Variants in SLIT3 observed in about 807,000 individuals in gnomAD.
SLIT3 encodes slit homolog 3 protein.
SLIT3 carries 68 observed loss-of-function variants against 184.0 expected under a neutral mutation model. That is an observed-to-expected ratio of 0.37 (90% CI 0.30 to 0.45). The LOEUF (loss-of-function observed/expected upper bound fraction) is 0.45, where lower values mean the gene tolerates loss of function less well. Ranked by LOEUF, SLIT3 falls within the 20% of genes least tolerant of loss-of-function variation. The pLI is 1.00. For missense variants in SLIT3, 1,707 were observed against 2,026.0 expected (o/e 0.84, Z 3.02); for synonymous variants, 831 against 828.6 (o/e 1.00, Z -0.05).
chr5:169,054,876 G>T (rs951418972), intron 4 of SLIT3, among the ~76,000 whole-genome samples: 1 of 152,022 alleles, frequency 6.6e-6, no homozygotes, highest in Non-Finnish European at 1.5e-5. Context: ...GGCCTAGGGG[G>T]TCCCATTATC....
intron 4 of SLIT3, among the ~76,000 whole-genome samples, chr5:169,170,637 T>A (rs1213739977): frequency 6.6e-6 from 1 of 152,202 alleles, no homozygotes; most frequent in East Asian, 1.9e-4. Context: ...CCAAACCCTG[T>A]GTTGCTGCTG....
intron 23 of SLIT3, 128 bp from the exon 24 acceptor site, chr5:168,712,482 G>GGGCT: frequency 1.3e-6 from 1 of 754,180 alleles, no homozygotes; most frequent in Non-Finnish European, 2.3e-6. Context: ...CCTAGCAGTA[G>GGGCT]CTGCTGCCCC....
chr5:169,061,510 A>C (rs2113095780), intron 4 of SLIT3, among the ~76,000 whole-genome samples: 1 of 152,302 alleles, frequency 6.6e-6, no homozygotes, highest in Middle Eastern at 3.4e-3. Flanking sequence ...TCTGATCGCA[A>C]AGCATCTTGT....
At chr5:168,929,210 T>C (rs1357569151) in intron 4 of SLIT3, among the ~76,000 whole-genome samples, 2 of 152,090 alleles carry the variant, frequency 1.3e-5, no homozygotes, top group African/African-American at 4.8e-5. Context: ...CCTTAAACCA[T>C]CGGATAAACC....
At chr5:169,084,454 ATTT>A (rs56062027) in intron 4 of SLIT3, among the ~76,000 whole-genome samples, 291 of 101,406 alleles carry the variant, frequency 2.9e-3, no homozygotes, top group African/African-American at 7.8e-3. Flanking sequence ...CCATGCCCAG[ATTT>A]TTTTTTTTTT....
At chr5:168,766,319 A>C (rs1755343981) in intron 14 of SLIT3, among the ~76,000 whole-genome samples, 1 of 152,208 alleles carries the variant, frequency 6.6e-6, no homozygotes, top group Admixed American at 6.5e-5. Flanking sequence ...AATTGGGGGG[A>C]GCGTAAGTCC....
intron 4 of SLIT3, among the ~76,000 whole-genome samples, chr5:168,962,885 C>T (rs1763065611): frequency 6.6e-6 from 1 of 152,202 alleles, no homozygotes; most frequent in South Asian, 2.1e-4. Context: ...TTGCTCCCCT[C>T]CCTCAGGGCT....
At chr5:168,789,432 A>G (rs1756273895) in intron 11 of SLIT3, 128 bp downstream of exon 11, 2 of 631,314 alleles carry the variant, frequency 3.2e-6, no homozygotes, top group Non-Finnish European at 2.8e-6. Flanking sequence ...TTCTTTTACC[A>G]GGTTGCCACA....
chr5:168,711,164 G>A (rs890182751), intron 24 of SLIT3, 106 bp from the exon 25 acceptor site: 7 of 1,054,830 alleles, frequency 6.6e-6, no homozygotes, highest in South Asian at 1.9e-5. Context: ...TAGACTGGAG[G>A]TATCCAATAT....
chr5:168,823,444 G>T, intron 6 of SLIT3, 113 bp from the exon 7 acceptor site: 1 of 793,776 alleles, frequency 1.3e-6, no homozygotes, highest in Non-Finnish European at 2.3e-6. Context: ...TGAGTCAACA[G>T]TCATGGCCCA....
chr5:168,775,533 C>CT (rs59749986), intron 12 of SLIT3, among the ~76,000 whole-genome samples: 5 of 151,930 alleles, frequency 3.3e-5, no homozygotes, highest in East Asian at 1.9e-4. Context: ...CTCACACCCC[C>CT]GTTTATTTCC....
chr5:169,156,454 C>G (rs777738230), intron 4 of SLIT3, among the ~76,000 whole-genome samples: 1 of 152,208 alleles, frequency 6.6e-6, no homozygotes. Flanking sequence ...CAATAGTCCT[C>G]GTGTTCGAGA....
intron 35 of SLIT3, among the ~76,000 whole-genome samples, chr5:168,668,932 C>A (rs556070498): frequency 6.6e-6 from 1 of 152,346 alleles, no homozygotes; most frequent in African/African-American, 2.4e-5. Flanking sequence ...TGATGCCCAG[C>A]TAATTTTTGT....
intron 4 of SLIT3, among the ~76,000 whole-genome samples, chr5:169,149,148 AAC>A (rs1185400060): frequency 3.3e-5 from 5 of 152,198 alleles, no homozygotes; most frequent in African/African-American, 9.6e-5. Flanking sequence ...AAACAGAAGA[AAC>A]ACAGCCTGGG....
intron 10 of SLIT3, among the ~76,000 whole-genome samples, chr5:168,794,718 C>T (rs901977246): frequency 1.1e-4 from 16 of 152,260 alleles, no homozygotes; most frequent in South Asian, 4.1e-4. Context: ...TGATCTAGTA[C>T]CAACTTTTCC....
In SLIT3 at chr5:169,105,272, C is replaced by A. The variant is rs75073801; in HGVS notation, c.413+88207G>T. On this transcript the variant is annotated intron_variant, in intron 4 of 35. Coordinates refer to ENST00000519560, the MANE Select transcript of SLIT3 (RefSeq NM_003062.4). ...CTGGAGACACATCATTTGGTTAAACCGCACATAAATTTAACCTCTCTCCAA... is the reference window on the plus strand; with the variant it reads ...CTGGAGACACATCATTTGGTTAAACAGCACATAAATTTAACCTCTCTCCAA... Among the ~76,000 whole-genome samples the A allele has an allele frequency of 4.8e-3, 729 of 152,262 alleles. 3 individuals are homozygous for A. Among genetic ancestry groups the A allele is most frequent in the Non-Finnish European group, 7.7e-3 (521 of 68,024 alleles).
At chr5:168,775,849 A>G (rs1314519402) in intron 12 of SLIT3, among the ~76,000 whole-genome samples, 1 of 152,138 alleles carries the variant, frequency 6.6e-6, no homozygotes, top group Non-Finnish European at 1.5e-5. Flanking sequence ...AAGTCTGGGA[A>G]AGCAGAGGAT....
At chr5:168,937,978 C>T (rs1762214576) in intron 4 of SLIT3, among the ~76,000 whole-genome samples, 1 of 151,836 alleles carries the variant, frequency 6.6e-6, no homozygotes, top group Non-Finnish European at 1.5e-5. Context: ...TGCAAGTATA[C>T]AATGCAGTCA....
At chr5:169,000,294 A>T (rs1282320166) in intron 4 of SLIT3, among the ~76,000 whole-genome samples, 4 of 146,824 alleles carry the variant, frequency 2.7e-5, no homozygotes, top group African/African-American at 1.0e-4. Context: ...CGAAAGGCTG[A>T]GGCAGGAGAA....
Sources: gnomAD v4.1 joint callset for allele counts (sites outside exome capture counted in the v4.1 genomes callset) on GRCh38, gnomAD v4.1.1 for gene constraint, MANE v1.5 for transcripts, NCBI Gene and HGNC (gene_info 2026-07-23, HGNC 2026-07-21) for gene names.